Variants in GPHN observed in about 807,000 individuals in gnomAD.
The protein encoded by GPHN is gephyrin.
A neutral mutation model predicts 95.5 loss-of-function variants in GPHN; 17 were observed. The ratio of observed to expected loss-of-function variants is 0.18; its 90% CI spans 0.12 to 0.27. The LOEUF (loss-of-function observed/expected upper bound fraction) is 0.27, where lower values mean the gene tolerates loss of function less well. Ranked by LOEUF, GPHN falls within the 10% of genes least tolerant of loss-of-function variation. The pLI is 1.00. For missense variants in GPHN, 660 were observed against 978.1 expected, an observed-to-expected ratio of 0.67 and a Z score of 4.34; for synonymous variants, 320 against 322.5, an observed-to-expected ratio of 0.99 and a Z score of 0.08.
intron 3 of GPHN, among the ~76,000 whole-genome samples, chr14:66,815,541 A>C (rs563028893): frequency 6.6e-6 from 1 of 152,294 alleles, no homozygotes; most frequent in Non-Finnish European, 1.5e-5. Flanking sequence ...TCCAATCCAG[A>C]ATTTCATATC....
chr14:66,727,831 T>A (rs999764887), intron 2 of GPHN, among the ~76,000 whole-genome samples: 1 of 152,170 alleles, frequency 6.6e-6, no homozygotes, highest in Non-Finnish European at 1.5e-5. Context: ...GAGGAGAAAT[T>A]CAAGCTGGCT....
the GPHN span, among the ~76,000 whole-genome samples, chr14:67,568,560 A>G: frequency 2.0e-5 from 3 of 152,160 alleles, no homozygotes; most frequent in Admixed American, 6.5e-5. Context: ...TACCTACATA[A>G]AAACCTGCAC....
At chr14:67,650,956 T>C in the GPHN span, 1 of 1,595,178 alleles carries the variant, frequency 6.3e-7, no homozygotes. Flanking sequence ...ACAACAGGCA[T>C]TCCAGAATTA....
At chr14:66,945,659 A>G (rs1027207365) in intron 8 of GPHN, among the ~76,000 whole-genome samples, 2 of 152,234 alleles carry the variant, frequency 1.3e-5, no homozygotes, top group African/African-American at 4.8e-5. Flanking sequence ...AACAAAAGTG[A>G]GCAAAAGATT....
At chr14:66,707,946 T>C (rs1008079076) in intron 2 of GPHN, among the ~76,000 whole-genome samples, 2 of 152,170 alleles carry the variant, frequency 1.3e-5, no homozygotes, top group African/African-American at 4.8e-5. Flanking sequence ...CAAAATCCTC[T>C]CTTCTGCCTA....
chr14:67,553,404 G>T, the GPHN span, among the ~76,000 whole-genome samples: 1 of 152,010 alleles, frequency 6.6e-6, no homozygotes, highest in African/African-American at 2.4e-5. Flanking sequence ...ACCCAACTCT[G>T]TCTGGCTTAA....
chr14:66,923,078 A>G (rs905289204), intron 7 of GPHN, 140 bp downstream of exon 7: 1 of 728,298 alleles, frequency 1.4e-6, no homozygotes, highest in Non-Finnish European at 2.4e-6. Context: ...TGTCCATGAC[A>G]CTCCACTACT....
chr14:66,532,677 G>A (rs777259027), intron 1 of GPHN, among the ~76,000 whole-genome samples: 4 of 152,160 alleles, frequency 2.6e-5, no homozygotes, highest in African/African-American at 4.8e-5. Context: ...ATATTGGGGT[G>A]TCTGCCTCAC....
the GPHN span, among the ~76,000 whole-genome samples, chr14:67,212,558 T>G: frequency 7.5e-6 from 1 of 133,240 alleles, no homozygotes; most frequent in South Asian, 2.2e-4. Context: ...GCCACTGCAC[T>G]CCAGCCTGGG....
At chr14:67,423,061 A>C in the GPHN span, among the ~76,000 whole-genome samples, 5 of 151,822 alleles carry the variant, frequency 3.3e-5, no homozygotes, top group African/African-American at 1.2e-4. Flanking sequence ...TCAAACTCCC[A>C]ACCTTAGGTG....
At chr14:66,939,483 G>A (rs1161168390) in intron 8 of GPHN, among the ~76,000 whole-genome samples, 5 of 152,060 alleles carry the variant, frequency 3.3e-5, no homozygotes, top group Non-Finnish European at 7.4e-5. Context: ...AAGGGAAATT[G>A]GAACTCCTGG....
the GPHN span, chr14:67,674,574 T>G: frequency 8.3e-7 from 1 of 1,197,728 alleles, no homozygotes; most frequent in Non-Finnish European, 1.1e-6. Context: ...CCCAGCCCAG[T>G]GGCCATAACG....
At chr14:66,541,634 G>T (rs2059356944) in intron 1 of GPHN, among the ~76,000 whole-genome samples, 1 of 152,192 alleles carries the variant, frequency 6.6e-6, no homozygotes, top group African/African-American at 2.4e-5. Flanking sequence ...TGTACAAATG[G>T]TGGGATATGG....
chr14:67,683,107 CAA>C, the GPHN span, among the ~76,000 whole-genome samples: 1 of 152,146 alleles, frequency 6.6e-6, no homozygotes. Flanking sequence ...AGGCTTCAAT[CAA>C]AAGACTTTTA....
chr14:67,129,473 T>C (rs1283254891), intron 17 of GPHN, among the ~76,000 whole-genome samples: 2 of 152,190 alleles, frequency 1.3e-5, no homozygotes, highest in Non-Finnish European at 1.5e-5. Flanking sequence ...ATAGAAAACA[T>C]ACTTAAATGC....
chr14:66,850,054 A>G (rs1266535443), intron 4 of GPHN, among the ~76,000 whole-genome samples: 2 of 152,136 alleles, frequency 1.3e-5, no homozygotes, highest in African/African-American at 4.8e-5. Flanking sequence ...TGGCTGATGC[A>G]TGATAGTTTA....
chr14:66,938,481 A>G (rs1210179553), intron 8 of GPHN, among the ~76,000 whole-genome samples: 1 of 152,042 alleles, frequency 6.6e-6, no homozygotes, highest in Non-Finnish European at 1.5e-5. Flanking sequence ...CAGTCCTGTG[A>G]TAATTAATTA....
chr14:67,461,748 T>C, the GPHN span, among the ~76,000 whole-genome samples: 7 of 152,306 alleles, frequency 4.6e-5, no homozygotes, highest in South Asian at 2.1e-4. Context: ...GAGATAGTCC[T>C]GCAAAAGGTG....
the GPHN span, chr14:67,646,987 G>T: frequency 6.2e-7 from 1 of 1,612,986 alleles, no homozygotes; most frequent in South Asian, 1.1e-5. Flanking sequence ...TTGGTATCCA[G>T]AAGGTCATGG....
Sources: allele counts gnomAD v4.1 joint callset (sites outside exome capture counted in the v4.1 genomes callset), GRCh38; gene constraint gnomAD v4.1.1; transcripts MANE v1.5; gene names NCBI Gene and HGNC (gene_info 2026-07-23, HGNC 2026-07-21).